The following GSG1L variants were observed in gnomAD, a reference collection of about 807,000 sequenced individuals.
The protein encoded by GSG1L is GSG1 like, also known as germ cell-specific gene 1-like protein.
Under a neutral mutation model 42.1 loss-of-function variants are expected in GSG1L, and 24 were observed. The observed-to-expected ratio is 0.57, with a 90% CI of 0.41 to 0.80. The LOEUF is 0.80. GSG1L is among the 30% of genes least tolerant of loss of function. GSG1L has a pLI of 0.00. For synonymous variants in GSG1L, 215 were observed against 203.5 expected (o/e 1.06, Z -0.48); for missense variants, 445 against 472.2 (o/e 0.94, Z 0.53).
At chr16:27,996,117 C>T (rs2085512321) in intron 1 of GSG1L, among the ~76,000 whole-genome samples, 1 of 152,154 alleles carries the variant, frequency 6.6e-6, no homozygotes, top group Non-Finnish European at 1.5e-5. Context: ...CTCTCTCTCT[C>T]TCTGTCACTC....
intron 2 of GSG1L, among the ~76,000 whole-genome samples, chr16:27,895,151 CA>C (rs1484086735): frequency 6.6e-6 from 1 of 152,158 alleles, no homozygotes; most frequent in Non-Finnish European, 1.5e-5. Context: ...TTGGCCCACA[CA>C]GTATTTTAAA....
chr16:27,850,585 G>A (rs781779440), intron 3 of GSG1L: 38 of 455,718 alleles, frequency 8.3e-5, no homozygotes, highest in South Asian at 2.5e-4. Context: ...AGGCAGAGTG[G>A]CCAGGGAGGC....
chr16:27,849,117 A>G (rs1352849372), intron 3 of GSG1L, among the ~76,000 whole-genome samples: 1 of 149,292 alleles, frequency 6.7e-6, no homozygotes, highest in Non-Finnish European at 1.5e-5. Flanking sequence ...TAAACCTAGG[A>G]GGCAGAAGCT....
At position 27,911,286 on chromosome 16, in the gene GSG1L, TC is replaced by T. The variant is rs2084387399; in HGVS notation, c.398-26649del. On this transcript the variant is annotated intron_variant, in intron 2 of 6. Transcript: ENST00000447459. ...CTCTCGCTCTCTCTCTCTCTCTCTC[TC>T]TCTCTCTCCTCTCTCTCTTTTGAGA... Among the ~76,000 whole-genome samples the T allele has an allele frequency of 4.0e-5, 6 of 150,722 alleles. 1 individual carries two copies. Among genetic ancestry groups the T allele is most frequent in the African/African-American group, 1.5e-4 (6 of 40,776 alleles).
At chr16:27,942,476 C>A (rs2084812349) in intron 2 of GSG1L, among the ~76,000 whole-genome samples, 1 of 152,106 alleles carries the variant, frequency 6.6e-6, no homozygotes, top group South Asian at 2.1e-4. Flanking sequence ...TAAAAGACAT[C>A]TGAGAAAAGG....
At chr16:27,975,624 T>C (rs1364064809) in intron 1 of GSG1L, among the ~76,000 whole-genome samples, 1 of 152,240 alleles carries the variant, frequency 6.6e-6, no homozygotes, top group Non-Finnish European at 1.5e-5. Context: ...GGCTGGAGGC[T>C]GCGTACCCTG....
intron 1 of GSG1L, among the ~76,000 whole-genome samples, chr16:28,012,036 C>A (rs1409002122): frequency 6.6e-6 from 1 of 151,994 alleles, no homozygotes; most frequent in Non-Finnish European, 1.5e-5. Context: ...CTGAGAGTTC[C>A]CCTCAGCTCA....
intron 3 of GSG1L, among the ~76,000 whole-genome samples, chr16:27,882,158 G>A (rs770176105): frequency 2.0e-5 from 3 of 152,126 alleles, no homozygotes; most frequent in Non-Finnish European, 4.4e-5. Context: ...TGAGTCTCAC[G>A]AGAGCTGATG....
chr16:27,843,605 A>G (rs1308970535), intron 4 of GSG1L, among the ~76,000 whole-genome samples: 1 of 152,032 alleles, frequency 6.6e-6, no homozygotes. Flanking sequence ...AGCCAACACC[A>G]ATTCAAAGGG....
Position 28,052,865 on chromosome 16 carries a change from T to C in GSG1L, c.349+10211A>G, listed in dbSNP as rs576197573. 2.6e-5 allele frequency among the ~76,000 whole-genome samples: 4 copies of C among 152,368 alleles called. No individual in the cohort carries two copies. The South Asian group carries it at 8.3e-4, about 32-fold the overall frequency. On this transcript the variant is annotated intron_variant, in intron 1 of 6. Coordinates refer to ENST00000447459, the MANE Select transcript of GSG1L (RefSeq NM_001109763.2). The stretch of plus-strand genomic sequence containing the variant: ...GGAGAGATCCACCAAGCGGAGACAG[T>C]GACTCGTGTCCAAGTCTTCTGCCTC...
rs568858563 is a variant in GSG1L at position 28,062,872 on chromosome 16, G to A, written c.349+204C>T. Among the ~76,000 whole-genome samples, 11 of 152,174 alleles carry A rather than the reference G, an allele frequency of 7.2e-5. No individual in the cohort carries two copies. In the East Asian group the frequency reaches 1.9e-3, roughly 27 times the overall value. The stretch of plus-strand genomic sequence containing the variant: ...GCCTTGCACCTCTCCACGGCGGGGC[G>A]TCCCGCACGTCCCCCCATGCTGGTC... On this transcript the variant is annotated intron_variant, in intron 1 of 6. Coordinates refer to ENST00000447459, the MANE Select transcript of GSG1L (RefSeq NM_001109763.2).
At chr16:27,892,771 C>T (rs2095635778) in intron 2 of GSG1L, among the ~76,000 whole-genome samples, 1 of 114,456 alleles carries the variant, frequency 8.7e-6, no homozygotes, top group African/African-American at 3.4e-5. Flanking sequence ...GCCTGAGTGA[C>T]AGAAGGAGAC....
chr16:27,916,414 C>G (rs2084455249), intron 2 of GSG1L, among the ~76,000 whole-genome samples: 1 of 151,852 alleles, frequency 6.6e-6, no homozygotes, highest in South Asian at 2.1e-4. Context: ...CTCCTGGGCT[C>G]AAGCAATCCT....
chr16:27,804,037 G>GGATAGATAGATACA (rs1455236652), intron 6 of GSG1L, among the ~76,000 whole-genome samples: 44,219 of 132,542 alleles, frequency 0.33, 7,097 homozygotes, highest in Non-Finnish European at 0.36. Flanking sequence ...TAGATTAGAT[G>GGATAGATAGATACA]GATAGATAGA....
intron 2 of GSG1L, among the ~76,000 whole-genome samples, chr16:27,953,468 G>T (rs1464924585): frequency 6.6e-6 from 1 of 152,146 alleles, no homozygotes; most frequent in Admixed American, 6.5e-5. Flanking sequence ...TTTAAGCAGC[G>T]CAGACTGGAG....
At chr16:27,979,749 G>GGAAAGAAAA (rs2085302160) in intron 1 of GSG1L, among the ~76,000 whole-genome samples, 1 of 99,104 alleles carries the variant, frequency 1.0e-5, no homozygotes, top group Non-Finnish European at 2.0e-5. Flanking sequence ...AAGAAAGAAA[G>GGAAAGAAAA]GAAAGAAAGA....
chr16:28,048,833 T>C (rs72785844), intron 1 of GSG1L, among the ~76,000 whole-genome samples: 34,047 of 151,684 alleles, frequency 0.22, 4,553 homozygotes, highest in Non-Finnish European at 0.3. Context: ...TTAACAAACC[T>C]CAGAAAAGTC....
intron 1 of GSG1L, among the ~76,000 whole-genome samples, chr16:28,012,753 C>T (rs2085736219): frequency 6.6e-6 from 1 of 151,854 alleles, no homozygotes; most frequent in Admixed American, 6.6e-5. Context: ...TTAAAATTAT[C>T]GAGGGTGGCA....
At chr16:27,861,090 G>T (rs959424541) in intron 3 of GSG1L, among the ~76,000 whole-genome samples, 1 of 152,186 alleles carries the variant, frequency 6.6e-6, no homozygotes, top group Non-Finnish European at 1.5e-5. Flanking sequence ...AGTGAGGGCC[G>T]GGTTCGGTGG....
Sources: allele counts gnomAD v4.1 joint callset (sites outside exome capture counted in the v4.1 genomes callset), GRCh38; gene constraint gnomAD v4.1.1; transcripts MANE v1.5; gene names NCBI Gene and HGNC (gene_info 2026-07-23, HGNC 2026-07-21).